Variants in PDZK1 observed in about 807,000 individuals in gnomAD.
PDZK1 encodes the protein Na(+)/H(+) exchange regulatory cofactor NHE-RF3.
Under a neutral mutation model 38.1 loss-of-function variants are expected in PDZK1, and 23 were observed. The observed-to-expected ratio is 0.60, with a 90% CI of 0.43 to 0.85. PDZK1 has a LOEUF of 0.85. Among genes scored for constraint, PDZK1 ranks in the 40% least tolerant of loss-of-function variants. The probability of loss-of-function intolerance (pLI) is 0.00; values close to 1 mark genes in which losing one functional copy is unlikely to be tolerated. For synonymous variants in PDZK1, 98 were observed against 186.2 expected, an observed-to-expected ratio of 0.53 and a Z score of 3.86; for missense variants, 297 against 504.3, an observed-to-expected ratio of 0.59 and a Z score of 3.94.
At chr1:145,688,796 T>C (rs1553702524) in intron 1 of PDZK1, among the ~76,000 whole-genome samples, 1 of 152,054 alleles carries the variant, frequency 6.6e-6, no homozygotes, top group Admixed American at 6.6e-5. Flanking sequence ...CCAGCTCTAC[T>C]AAAATTACAA....
At chr1:145,698,610 T>C (rs1483441721) in intron 1 of PDZK1, among the ~76,000 whole-genome samples, 1 of 152,100 alleles carries the variant, frequency 6.6e-6, no homozygotes, top group African/African-American at 2.4e-5. Context: ...ACTTTTACCC[T>C]AAGTTGGGGC....
intron 1 of PDZK1, among the ~76,000 whole-genome samples, chr1:145,690,803 G>A (rs1037677904): frequency 4.6e-5 from 7 of 152,174 alleles, no homozygotes; most frequent in Non-Finnish European, 8.8e-5. Flanking sequence ...GTTTTCCTAT[G>A]TCTCACTGGA....
intron 1 of PDZK1, among the ~76,000 whole-genome samples, chr1:145,692,843 G>C (rs1655333789): frequency 6.6e-6 from 1 of 151,858 alleles, no homozygotes; most frequent in Non-Finnish European, 1.5e-5. Flanking sequence ...AACCATCCTG[G>C]CCAACATGGT....
chr1:145,677,093 G>A (rs1472071442), intron 6 of PDZK1, among the ~76,000 whole-genome samples: 14 of 152,256 alleles, frequency 9.2e-5, no homozygotes, highest in Middle Eastern at 3.4e-3. Context: ...GACCAAGTAA[G>A]TACAGTAAGA....
At chr1:145,705,909 C>T (rs2101945520) in intron 1 of PDZK1, among the ~76,000 whole-genome samples, 1 of 152,180 alleles carries the variant, frequency 6.6e-6, no homozygotes, top group African/African-American at 2.4e-5. Flanking sequence ...TGCCACCATG[C>T]AGGATTAATT....
intron 6 of PDZK1, among the ~76,000 whole-genome samples, chr1:145,677,168 A>G (rs1397313186): frequency 6.6e-6 from 1 of 152,246 alleles, no homozygotes; most frequent in Non-Finnish European, 1.5e-5. Flanking sequence ...GGATGGGGCA[A>G]CCACTTGGAC....
In PDZK1 at chr1:145,679,290, A is replaced by C. The variant is rs188734220; in HGVS notation, c.794-645T>G. On this transcript the variant is annotated intron_variant, in intron 5 of 8. Coordinates refer to ENST00000417171, the MANE Select transcript of PDZK1 (RefSeq NM_001201325.2). The stretch of plus-strand genomic sequence containing the variant: ...TTCAAGCCAAAAATCAGCTCTGCCC[A>C]TTCTCCATCCCAAAGCCCCTCCTCT... Among the ~76,000 whole-genome samples, 4 of 151,772 alleles carry C rather than the reference A, an allele frequency of 2.6e-5. No homozygotes were observed. In the East Asian group the frequency reaches 5.8e-4, roughly 22 times the overall value.
chr1:145,698,990 C>G (rs1296368957), intron 1 of PDZK1, among the ~76,000 whole-genome samples: 1 of 151,842 alleles, frequency 6.6e-6, no homozygotes, highest in Non-Finnish European at 1.5e-5. Context: ...GTAATCCCAG[C>G]ACTTTTGGAG....
chr1:145,703,376 T>G (rs1656076296), intron 1 of PDZK1, among the ~76,000 whole-genome samples: 1 of 152,088 alleles, frequency 6.6e-6, no homozygotes, highest in Non-Finnish European at 1.5e-5. Context: ...GCTTTCTTAT[T>G]GTTATATATA....
intron 7 of PDZK1, among the ~76,000 whole-genome samples, chr1:145,673,263 G>A (rs1172481630): frequency 2.6e-5 from 4 of 152,178 alleles, no homozygotes; most frequent in African/African-American, 9.7e-5. Flanking sequence ...CTTCTGGGAT[G>A]AAGGGGGATA....
intron 1 of PDZK1, among the ~76,000 whole-genome samples, chr1:145,697,799 TA>T (rs1655723026): frequency 9.3e-6 from 1 of 106,984 alleles, no homozygotes; most frequent in Non-Finnish European, 2.0e-5. Flanking sequence ...TTTTTTTTTT[TA>T]GTAGAGACAG....
At chr1:145,702,761 C>T (rs587748599) in intron 1 of PDZK1, among the ~76,000 whole-genome samples, 43 of 152,130 alleles carry the variant, frequency 2.8e-4, no homozygotes, top group African/African-American at 8.9e-4. Context: ...GGTGTGGTGG[C>T]GGACGCCTGT....
At position 145,671,491 on chromosome 1, in the gene PDZK1, T is replaced by C. The variant is rs782578810; in HGVS notation, c.1507-2A>G. 3 of 1,542,376 alleles carry C rather than the reference T, an allele frequency of 1.9e-6. No individual in the cohort carries two copies. The highest frequency in any genetic ancestry group is 2.3e-5 in the South Asian group (2 of 88,166). On this transcript the variant is annotated splice_acceptor_variant, in intron 8 of 8. Transcript: ENST00000417171. LOFTEE classifies it high-confidence loss of function. ...AGAATGTGAGGCTGTACTGTGGGCC[T>C]GTGTATAAGAAAACAAAGAATTTAC...
At chr1:145,696,469 A>C (rs1407508976) in intron 1 of PDZK1, among the ~76,000 whole-genome samples, 2 of 152,240 alleles carry the variant, frequency 1.3e-5, no homozygotes, top group African/African-American at 4.8e-5. Context: ...AAATGAGGTC[A>C]TAAGGGTGGG....
intron 3 of PDZK1, 101 bp downstream of exon 3, chr1:145,686,372 AAGTC>A: frequency 3.4e-6 from 5 of 1,460,022 alleles, no homozygotes; most frequent in South Asian, 1.3e-5. Flanking sequence ...AGCAACTGAA[AAGTC>A]AGTCAAAGAA....
chr1:145,673,456 CAA>C (rs1291505722), intron 7 of PDZK1, among the ~76,000 whole-genome samples, 199 bp downstream of exon 7: 1 of 148,162 alleles, frequency 6.7e-6, no homozygotes, highest in Non-Finnish European at 1.5e-5. Flanking sequence ...GTTTGGGAAA[CAA>C]ACAAACGTGA....
intron 6 of PDZK1, among the ~76,000 whole-genome samples, chr1:145,674,862 A>G (rs1653491085): frequency 1.3e-5 from 2 of 152,180 alleles, no homozygotes; most frequent in Non-Finnish European, 2.9e-5. Context: ...GAATGTTAAT[A>G]TAACACTATT....
At chr1:145,678,865 C>T (rs587701425) in intron 5 of PDZK1, among the ~76,000 whole-genome samples, 1 of 148,230 alleles carries the variant, frequency 6.7e-6, no homozygotes, top group East Asian at 2.0e-4. Context: ...CAGCAATTAA[C>T]AATGAAGGGG....
chr1:145,688,905 G>A (rs1553702545), intron 1 of PDZK1, among the ~76,000 whole-genome samples: 2 of 151,358 alleles, frequency 1.3e-5, no homozygotes, highest in African/African-American at 4.9e-5. Flanking sequence ...ATTGCAGTGA[G>A]CCGAGATCAC....
Sources: gnomAD v4.1 joint callset for allele counts (sites outside exome capture counted in the v4.1 genomes callset) on GRCh38, gnomAD v4.1.1 for gene constraint, MANE v1.5 for transcripts, NCBI Gene and HGNC (gene_info 2026-07-23, HGNC 2026-07-21) for gene names.